Variants in PRRC2B observed in about 807,000 individuals in gnomAD.
PRRC2B encodes proline rich coiled-coil 2B.
In PRRC2B, 68 loss-of-function variants were observed where a neutral mutation model predicts 242.3. The observed-to-expected ratio is 0.28, with a 90% confidence interval of 0.23 to 0.34. PRRC2B has a LOEUF of 0.34. PRRC2B is among the 10% of genes least tolerant of loss of function. PRRC2B has a pLI of 1.00. For missense variants in PRRC2B, 2,835 were observed against 2,954.8 expected (o/e 0.96, Z 0.94); for synonymous variants, 1,228 against 1,173.6 (o/e 1.05, Z -0.95).
chr9:131,487,412 G>GGT lies in PRRC2B; in HGVS notation c.5984+118_5984+119insGT. 7.3e-5 allele frequency: 44 copies of GGT among 598,812 alleles called. No individual in the cohort carries two copies. Among genetic ancestry groups the GGT allele is most frequent in the Middle Eastern group, 3.2e-4 (1 of 3,124 alleles). 37.1% of individuals were successfully genotyped at this position (598,812 alleles called of 1,614,324 possible). On this transcript the variant is annotated intron_variant, in intron 27 of 31. Transcript: ENST00000683519. This position sits in a 1 kb window ranked among gnomAD's most constrained non-coding sequence, Gnocchi z 5.3. ...TCTGCTTTGGGGCCAGTGGGGCGGG[G>GGT]AGGGGTGGGAGTTTGCTCTGAATCA...
At chr9:131,396,517 G>T (rs1038396890) in intron 1 of PRRC2B, among the ~76,000 whole-genome samples, 1 of 151,748 alleles carries the variant, frequency 6.6e-6, no homozygotes, top group African/African-American at 2.4e-5. Flanking sequence ...GTAGAGACAG[G>T]GTTTCACCAT....
intron 1 of PRRC2B, among the ~76,000 whole-genome samples, chr9:131,425,881 C>T (rs897239106): frequency 4.6e-5 from 7 of 151,548 alleles, no homozygotes; most frequent in Non-Finnish European, 1.0e-4. Flanking sequence ...TGGTGGTTCA[C>T]GCCTGTAATC....
At chr9:131,420,433 TTTTTTC>T (rs1437699433) in intron 1 of PRRC2B, among the ~76,000 whole-genome samples, 16 of 132,638 alleles carry the variant, frequency 1.2e-4, no homozygotes, top group Middle Eastern at 3.8e-3. Context: ...TCTGCTTTTC[TTTTTTC>T]TTTTTCTTTT....
chr9:131,418,832 C>G (rs192670105), intron 1 of PRRC2B, among the ~76,000 whole-genome samples: 4 of 152,292 alleles, frequency 2.6e-5, no homozygotes, highest in African/African-American at 9.6e-5. Context: ...TTTTATGACC[C>G]TTACTGCTGA....
intron 1 of PRRC2B, among the ~76,000 whole-genome samples, chr9:131,429,333 TG>T (rs1186384881): frequency 6.6e-6 from 1 of 152,222 alleles, no homozygotes; most frequent in Non-Finnish European, 1.5e-5. Flanking sequence ...CATGGACACC[TG>T]TAGCACATTA....
Position 131,474,744 on chromosome 9 carries a change from A to T in PRRC2B, c.2615A>T (p.Asp872Val), listed in dbSNP as rs76435136. The change falls in exon 16 of 32, where the codon GAT becomes GTT. Residue 872 changes from aspartate (D) to valine (V), a missense_variant. Asp to Val is a radical substitution (Grantham distance 152). Around this residue, in one of 7 missense-constraint regions of PRRC2B, gnomAD observed 1,536 missense variants for 1,483.1 expected, o/e 1.04. Transcript: ENST00000683519. ...AAAAAGCCAGAGTGTGGCAGTTGGGATGTTAGCCACCAGCCAGAGACCGCT... is the reference window on the plus strand; with the variant it reads ...AAAAAGCCAGAGTGTGGCAGTTGGGTTGTTAGCCACCAGCCAGAGACCGCT... ...DEKKPECGSW[D>V]VSHQPETADT... 2.5e-6 allele frequency: 4 copies of T among 1,612,386 alleles called. No homozygotes were observed. The highest frequency in any genetic ancestry group is 2.2e-5 in the East Asian group (1 of 44,862).
intron 4 of PRRC2B, among the ~76,000 whole-genome samples, chr9:131,437,160 T>C (rs963652348): frequency 3.3e-5 from 5 of 152,196 alleles, no homozygotes; most frequent in African/African-American, 1.2e-4. Flanking sequence ...CGAGCTCCTT[T>C]ACTGCGGTAC....
intron 1 of PRRC2B, among the ~76,000 whole-genome samples, chr9:131,403,695 A>G (rs192829016): frequency 7.9e-5 from 12 of 151,478 alleles, no homozygotes; most frequent in Admixed American, 7.2e-4. Flanking sequence ...TTAAAAGCCA[A>G]GTGTTTGAAG....
intron 1 of PRRC2B, among the ~76,000 whole-genome samples, chr9:131,395,210 C>A (rs1475150532): frequency 6.6e-6 from 1 of 152,188 alleles, no homozygotes; most frequent in African/African-American, 2.4e-5. Context: ...TGCTAAATGG[C>A]TTCCTGGGAG....
intron 1 of PRRC2B, among the ~76,000 whole-genome samples, chr9:131,416,473 T>A (rs1837656934): frequency 6.6e-6 from 1 of 152,218 alleles, no homozygotes; most frequent in Non-Finnish European, 1.5e-5. Context: ...AAGTTGGAGT[T>A]CCCATATAGC....
intron 13 of PRRC2B, among the ~76,000 whole-genome samples, chr9:131,470,235 T>A (rs541168485): frequency 6.6e-6 from 1 of 152,144 alleles, no homozygotes; most frequent in East Asian, 1.9e-4. Flanking sequence ...AGGTCACGAG[T>A]AGCCTCGTAG....
At chr9:131,429,009 G>T (rs780430398) in intron 1 of PRRC2B, among the ~76,000 whole-genome samples, 2 of 152,124 alleles carry the variant, frequency 1.3e-5, no homozygotes, top group African/African-American at 2.4e-5. Flanking sequence ...AGACGGGAGT[G>T]CAGTGGTGCA....
At chr9:131,472,035 C>G (rs947688497) in intron 14 of PRRC2B, among the ~76,000 whole-genome samples, 1 of 152,198 alleles carries the variant, frequency 6.6e-6, no homozygotes, top group African/African-American at 2.4e-5. Context: ...ATTTCTGTAT[C>G]TTGTTCCTTT....
At chr9:131,432,860 T>A in intron 3 of PRRC2B, 66 bp downstream of exon 3, 1 of 1,538,882 alleles carries the variant, frequency 6.5e-7, no homozygotes, top group Non-Finnish European at 8.9e-7. Flanking sequence ...CATCCTTCCC[T>A]GTGGCAAACT....
chr9:131,436,446 G>C (rs1838374989), intron 3 of PRRC2B, among the ~76,000 whole-genome samples, 174 bp from the exon 4 acceptor site: 3 of 152,240 alleles, frequency 2.0e-5, no homozygotes, highest in Admixed American at 2.0e-4. Flanking sequence ...AGCATGGTTT[G>C]TTTTCTTATT....
chr9:131,493,017 C>A (rs1041818451), intron 30 of PRRC2B, among the ~76,000 whole-genome samples: 14 of 152,192 alleles, frequency 9.2e-5, no homozygotes, highest in African/African-American at 2.9e-4. Flanking sequence ...GAGGTTAACA[C>A]CATCGCTGCA....
intron 16 of PRRC2B, 72 bp downstream of exon 16, chr9:131,476,607 C>T (rs1943708098): frequency 7.3e-7 from 1 of 1,378,874 alleles, no homozygotes; most frequent in Non-Finnish European, 9.7e-7. Flanking sequence ...TTCACGCATG[C>T]ATGCCGATGC....
intron 28 of PRRC2B, chr9:131,490,686 G>T (rs1588283948): frequency 4.2e-6 from 2 of 480,298 alleles, no homozygotes; most frequent in South Asian, 3.0e-5. Flanking sequence ...CAGCTACCCT[G>T]TTCTCCTGTC....
chr9:131,483,583 G>A, intron 23 of PRRC2B, 138 bp downstream of exon 23: 1 of 750,788 alleles, frequency 1.3e-6, no homozygotes, highest in Non-Finnish European at 2.3e-6. Flanking sequence ...GTCCTTAAAA[G>A]GTGCTTAAAT....
Sources: allele counts gnomAD v4.1 joint callset (sites outside exome capture counted in the v4.1 genomes callset), GRCh38; gene constraint gnomAD v4.1.1; regional missense constraint gnomAD v4.1.1; non-coding constraint Gnocchi (gnomAD v3.1); transcripts MANE v1.5; gene names NCBI Gene and HGNC (gene_info 2026-07-23, HGNC 2026-07-21).